RNF13: variants seen among roughly 807,000 people sequenced by gnomAD.
The protein encoded by RNF13 is ring finger protein 13.
In RNF13, 19 loss-of-function variants were observed where a neutral mutation model predicts 37.7. That is an observed-to-expected ratio of 0.50 (90% confidence interval 0.35 to 0.74). The LOEUF (loss-of-function observed/expected upper bound fraction) is 0.74. Ranked by LOEUF, RNF13 falls within the 30% of genes least tolerant of loss-of-function variation. RNF13 has a pLI of 0.01. For missense variants in RNF13, 375 were observed against 453.0 expected, an observed-to-expected ratio of 0.83 and a Z score of 1.56; for synonymous variants, 144 against 157.8, an observed-to-expected ratio of 0.91 and a Z score of 0.65.
chr3:149,867,890 G>T (rs1247650502), intron 3 of RNF13, among the ~76,000 whole-genome samples: 2 of 151,572 alleles, frequency 1.3e-5, no homozygotes, highest in African/African-American at 4.8e-5. Context: ...TATTTTCTCT[G>T]ATAGTACTTT....
chr3:149,918,954 G>A (rs957240112), intron 7 of RNF13, among the ~76,000 whole-genome samples: 4 of 151,874 alleles, frequency 2.6e-5, no homozygotes, highest in Admixed American at 1.3e-4. Context: ...TTTTGAAAAC[G>A]GTGGATTTAA....
intron 3 of RNF13, among the ~76,000 whole-genome samples, chr3:149,861,848 T>C (rs1257401336): frequency 6.6e-6 from 1 of 152,170 alleles, no homozygotes; most frequent in Non-Finnish European, 1.5e-5. Context: ...TCAAGTATCC[T>C]GACTTGATCA....
chr3:149,867,551 G>A (rs926508072), intron 3 of RNF13, among the ~76,000 whole-genome samples: 32 of 151,630 alleles, frequency 2.1e-4, no homozygotes, highest in African/African-American at 7.2e-4. Context: ...AGGCATGAGC[G>A]ACCGCACCCG....
chr3:149,915,732 AT>A, intron 7 of RNF13, among the ~76,000 whole-genome samples: 1 of 152,352 alleles, frequency 6.6e-6, no homozygotes, highest in African/African-American at 2.4e-5. Flanking sequence ...GCTACGTGAA[AT>A]AAGCCAGTCA....
chr3:149,905,562 A>G (rs1350774102), intron 6 of RNF13, among the ~76,000 whole-genome samples: 1 of 151,498 alleles, frequency 6.6e-6, no homozygotes, highest in African/African-American at 2.4e-5. Flanking sequence ...TTTTTAATGT[A>G]AACAAAAATC....
At chr3:149,819,555 A>G (rs1240283504) in intron 1 of RNF13, among the ~76,000 whole-genome samples, 1 of 152,248 alleles carries the variant, frequency 6.6e-6, no homozygotes, top group African/African-American at 2.4e-5. Flanking sequence ...AGCTTAAGGA[A>G]TAATGGGAGT....
chr3:149,918,924 T>C (rs1449585511), intron 7 of RNF13, among the ~76,000 whole-genome samples: 1 of 152,160 alleles, frequency 6.6e-6, no homozygotes. Context: ...ATTTTTTTCT[T>C]ATACAATGTG....
chr3:149,938,776 A>T (rs1719962358), intron 8 of RNF13, among the ~76,000 whole-genome samples: 1 of 152,046 alleles, frequency 6.6e-6, no homozygotes, highest in African/African-American at 2.4e-5. Flanking sequence ...ATAACATTCC[A>T]TACATACTTA....
chr3:149,854,710 T>G (rs1204907591), intron 3 of RNF13, among the ~76,000 whole-genome samples: 3 of 152,200 alleles, frequency 2.0e-5, no homozygotes, highest in Non-Finnish European at 4.4e-5. Context: ...TCAGGAAGCC[T>G]TTGTGGTTTT....
At position 149,822,808 on chromosome 3, in the gene RNF13, G is replaced by C. The variant is rs577122380; in HGVS notation, c.-17+9455G>C. The stretch of plus-strand genomic sequence containing the variant: ...TGCAACTTAATTTTGATGTTACACA[G>C]AAAGCCTCAGGGATAAACCATATTT... On this transcript the variant is annotated intron_variant, in intron 1 of 9. Transcript: ENST00000392894. Among the ~76,000 whole-genome samples, 35 of 152,156 alleles carry C rather than the reference G, an allele frequency of 2.3e-4. No homozygotes were observed. In the South Asian group the frequency reaches 4.8e-3, roughly 21 times the overall value.
At chr3:149,952,800 T>G (rs1481626517) in intron 8 of RNF13, among the ~76,000 whole-genome samples, 3 of 152,160 alleles carry the variant, frequency 2.0e-5, no homozygotes, top group African/African-American at 7.2e-5. Flanking sequence ...AGTTTCTCCA[T>G]GTCAATCAGG....
intron 8 of RNF13, among the ~76,000 whole-genome samples, chr3:149,923,251 GT>G (rs562443511): frequency 1.3e-4 from 20 of 151,302 alleles, no homozygotes; most frequent in South Asian, 4.2e-4. Context: ...TTAGTTAATA[GT>G]TTTTTTTTGT....
intron 5 of RNF13, among the ~76,000 whole-genome samples, chr3:149,897,735 C>T (rs1000538410): frequency 6.6e-6 from 1 of 152,082 alleles, no homozygotes; most frequent in Non-Finnish European, 1.5e-5. Context: ...GTAAGAAAAG[C>T]ATAGATTTAT....
chr3:149,868,520 T>C (rs1224548044), intron 3 of RNF13, among the ~76,000 whole-genome samples: 1 of 151,464 alleles, frequency 6.6e-6, no homozygotes, highest in Non-Finnish European at 1.5e-5. Flanking sequence ...CCTGCCTCCC[T>C]CCCTTCCCTT....
chr3:149,812,787 C>A (rs1397967371), upstream of RNF13: 1 of 152,848 alleles, frequency 6.5e-6, no homozygotes, highest in Non-Finnish European at 1.5e-5. Context: ...GGGGGCAGCC[C>A]GGCAGCCGAA....
At chr3:149,911,763 G>A (rs1717019418) in intron 6 of RNF13, among the ~76,000 whole-genome samples, 1 of 152,040 alleles carries the variant, frequency 6.6e-6, no homozygotes, top group Non-Finnish European at 1.5e-5. Context: ...AATCATATAG[G>A]CATGCTATTA....
intron 2 of RNF13, among the ~76,000 whole-genome samples, chr3:149,848,200 C>CA (rs375103976): frequency 0.013 from 1,991 of 148,178 alleles, 43 homozygotes; most frequent in African/African-American, 0.046. Flanking sequence ...AATTTAGAGA[C>CA]AAAAAAAAAA....
At chr3:149,871,974 G>C in intron 3 of RNF13, 55 bp from the exon 4 acceptor site, 2 of 1,452,404 alleles carry the variant, frequency 1.4e-6, no homozygotes, top group Middle Eastern at 2.5e-4. Flanking sequence ...GTAGAAGTAA[G>C]TTGATTGATT....
chr3:149,846,041 A>G lies in RNF13; in HGVS notation c.15A>G (p.Ile5Met). 6.2e-7 allele frequency: 1 copy of G among 1,611,254 alleles called. No individual in the cohort carries two copies. The highest frequency in any genetic ancestry group is 8.5e-7 in the Non-Finnish European group (1 of 1,179,068). ...TTTACAACGAGATGCTGCTCTCCAT[A>G]GGGATGCTCATGCTGTCAGCCACAC... MLLS[I>M]GMLMLSATQV... is the part of the protein sequence containing the mutation. Residue 5 changes from isoleucine to methionine, a missense_variant, in exon 2 of 10, where the codon ATA becomes ATG. Ile to Met is a conservative substitution (Grantham distance 10, BLOSUM62 1). Transcript: ENST00000392894.
Sources: gnomAD v4.1 joint callset for allele counts (sites outside exome capture counted in the v4.1 genomes callset) on GRCh38, gnomAD v4.1.1 for gene constraint, MANE v1.5 for transcripts, NCBI Gene and HGNC (gene_info 2026-07-23, HGNC 2026-07-21) for gene names.